DENND4C: variants seen among roughly 807,000 people sequenced by gnomAD.
DENND4C encodes DENN domain-containing protein 4C.
A neutral mutation model predicts 203.0 loss-of-function variants in DENND4C; 108 were observed. The observed-to-expected ratio is 0.53, with a 90% CI of 0.46 to 0.62. The LOEUF is 0.62. Among genes scored for constraint, DENND4C ranks in the 20% least tolerant of loss-of-function variants. The pLI, the probability that DENND4C is intolerant of heterozygous loss-of-function variation, is 0.00. For missense variants in DENND4C, 2,481 were observed against 2,301.2 expected (o/e 1.08, Z -1.60); for synonymous variants, 871 against 792.4 (o/e 1.10, Z -1.67).
At chr9:19,340,910 A>AC in intron 20 of DENND4C, 82 bp from the exon 21 acceptor site, 1 of 1,063,116 alleles carries the variant, frequency 9.4e-7, no homozygotes. Flanking sequence ...TGTGTAGATC[A>AC]GTGGAATTTT....
intron 16 of DENND4C, among the ~76,000 whole-genome samples, chr9:19,330,333 GTTT>G (rs398010417): frequency 1.5e-3 from 149 of 97,140 alleles, no homozygotes; most frequent in East Asian, 4.4e-3. Flanking sequence ...TACCAAGTTG[GTTT>G]TTTTTTTTTT....
chr9:19,349,143 C>T (rs1233429438), intron 23 of DENND4C, among the ~76,000 whole-genome samples: 1 of 152,152 alleles, frequency 6.6e-6, no homozygotes, highest in African/African-American at 2.4e-5. Flanking sequence ...TATGAGGACT[C>T]ATGCCTGTAA....
intron 21 of DENND4C, 50 bp downstream of exon 21, chr9:19,341,164 T>G (rs1379697161): frequency 7.0e-7 from 1 of 1,425,942 alleles, no homozygotes; most frequent in Non-Finnish European, 9.5e-7. Context: ...CCTGTATTAT[T>G]AATAATTAAA....
chr9:19,275,690 C>G (rs530158928), intron 1 of DENND4C, among the ~76,000 whole-genome samples: 1 of 151,904 alleles, frequency 6.6e-6, no homozygotes. Context: ...AGGCTGTTCT[C>G]GAGCTCCTGA....
intron 1 of DENND4C, among the ~76,000 whole-genome samples, chr9:19,248,547 G>A (rs544780177): frequency 6.4e-4 from 97 of 151,874 alleles, no homozygotes; most frequent in African/African-American, 2.2e-3. Flanking sequence ...GCGCCGCCTC[G>A]CCTGGCTAAT....
At chr9:19,247,536 T>C (rs1027255008) in intron 1 of DENND4C, among the ~76,000 whole-genome samples, 2 of 152,156 alleles carry the variant, frequency 1.3e-5, no homozygotes, top group Non-Finnish European at 2.9e-5. Context: ...GCTAGGACTT[T>C]AGGTGCATAC....
At chr9:19,363,712 T>C (rs1007900869) in intron 30 of DENND4C, among the ~76,000 whole-genome samples, 2 of 151,794 alleles carry the variant, frequency 1.3e-5, no homozygotes, top group Admixed American at 1.3e-4. Context: ...CTTTATATTT[T>C]AAAAAAGGAA....
chr9:19,356,609 A>T (rs983644502), intron 26 of DENND4C, among the ~76,000 whole-genome samples: 2 of 147,816 alleles, frequency 1.4e-5, no homozygotes, highest in Admixed American at 6.8e-5. Context: ...GCAGCTCTTT[A>T]TTTTTTTTTT....
intron 1 of DENND4C, among the ~76,000 whole-genome samples, chr9:19,271,319 C>T (rs1236592476): frequency 2.0e-5 from 3 of 151,526 alleles, no homozygotes; most frequent in Admixed American, 6.6e-5. Context: ...CATGCCTCAG[C>T]GTCCCGAGTA....
At chr9:19,305,932 T>C (rs1236438585) in intron 10 of DENND4C, among the ~76,000 whole-genome samples, 1 of 152,234 alleles carries the variant, frequency 6.6e-6, no homozygotes, top group African/African-American at 2.4e-5. Flanking sequence ...TAGGGTGATA[T>C]TATACCATTT....
At chr9:19,271,826 G>T (rs79309961) in intron 1 of DENND4C, among the ~76,000 whole-genome samples, 1,769 of 148,012 alleles carry the variant, frequency 0.012, 14 homozygotes, top group Middle Eastern at 0.021. Context: ...TTGAGATCGC[G>T]CCATTGCACT....
intron 16 of DENND4C, among the ~76,000 whole-genome samples, chr9:19,331,392 T>C (rs532799038): frequency 2.0e-5 from 3 of 152,026 alleles, no homozygotes; most frequent in Non-Finnish European, 4.4e-5. Context: ...TAGTAGAGAC[T>C]GGGTTTCACC....
intron 1 of DENND4C, among the ~76,000 whole-genome samples, chr9:19,238,449 T>TCCCCC (rs1822596472): frequency 9.9e-6 from 1 of 101,190 alleles, no homozygotes; most frequent in African/African-American, 4.1e-5. Context: ...TTCTCTTTCC[T>TCCCCC]TCCCCTCCCC....
At chr9:19,299,034 T>G (rs1177050339) in intron 7 of DENND4C, among the ~76,000 whole-genome samples, 195 bp from the exon 8 acceptor site, 1 of 152,152 alleles carries the variant, frequency 6.6e-6, no homozygotes, top group African/African-American at 2.4e-5. Context: ...AGAACTAATG[T>G]AACACTTCTG....
intron 1 of DENND4C, among the ~76,000 whole-genome samples, chr9:19,238,311 A>T (rs2131390876): frequency 6.6e-6 from 1 of 151,470 alleles, no homozygotes; most frequent in Admixed American, 6.6e-5. Flanking sequence ...CGAACTCCTG[A>T]TCTCAGGTGA....
At chr9:19,282,595 T>A (rs1225597138) in intron 2 of DENND4C, among the ~76,000 whole-genome samples, 1 of 150,612 alleles carries the variant, frequency 6.6e-6, no homozygotes, top group African/African-American at 2.4e-5. Flanking sequence ...CTTGCCTTGT[T>A]GCCCAGGCTG....
At chr9:19,231,604 T>C (rs1820582899) in intron 1 of DENND4C, among the ~76,000 whole-genome samples, 1 of 151,878 alleles carries the variant, frequency 6.6e-6, no homozygotes, top group South Asian at 2.1e-4. Context: ...GACCGTCTTT[T>C]ATCTGCACTA....
At chr9:19,319,350 ACT>A (rs775471874) in intron 12 of DENND4C, among the ~76,000 whole-genome samples, 3 of 42,650 alleles carry the variant, frequency 7.0e-5, no homozygotes, top group East Asian at 1.5e-3. Context: ...ATATATATAT[ACT>A]TATATATACA....
chr9:19,286,394 T>G (rs1009219356), intron 2 of DENND4C, among the ~76,000 whole-genome samples: 1 of 152,196 alleles, frequency 6.6e-6, no homozygotes, highest in Non-Finnish European at 1.5e-5. Flanking sequence ...ATGAAGCGAA[T>G]TTTTATGAAA....
Sources: gnomAD v4.1 joint callset for allele counts (sites outside exome capture counted in the v4.1 genomes callset) on GRCh38, gnomAD v4.1.1 for gene constraint, MANE v1.5 for transcripts, NCBI Gene and HGNC (gene_info 2026-07-23, HGNC 2026-07-21) for gene names.